Variants in DOCK1 observed in about 807,000 individuals in gnomAD.
DOCK1 encodes the protein dedicator of cytokinesis 1.
A neutral mutation model predicts 262.7 loss-of-function variants in DOCK1; 138 were observed. The observed-to-expected ratio is 0.53, with a 90% CI of 0.46 to 0.61. DOCK1 has a LOEUF of 0.61. Ranked by LOEUF, DOCK1 falls within the 20% of genes least tolerant of loss-of-function variation. The pLI is 0.00. For synonymous variants in DOCK1, 866 were observed against 867.4 expected, an observed-to-expected ratio of 1.00 and a Z score of 0.03; for missense variants, 1,908 against 2,370.7, an observed-to-expected ratio of 0.80 and a Z score of 4.05.
chr10:127,240,451 A>G (rs1379882577), intron 27 of DOCK1, among the ~76,000 whole-genome samples: 2 of 152,160 alleles, frequency 1.3e-5, no homozygotes, highest in Admixed American at 6.5e-5. Context: ...TATATGGGAA[A>G]GGTTTTATGA....
rs1223263750 is a variant in DOCK1, at chr10:127,176,332, C to T, written c.2847+48568C>T. The T allele has an allele frequency of 9.9e-6, 16 of 1,613,738 alleles. No homozygotes were observed. The Admixed American group carries it at 1.7e-4, about 17-fold the overall frequency. On this transcript the variant is annotated intron_variant, in intron 27 of 51. Transcript: ENST00000623213. The surrounding 1 kb of genome is among the most constrained non-coding windows in gnomAD (Gnocchi z 4.4). ...TATTTCATCTCCAGGGCCAGGCAGG[C>T]GGCGGGTTCCACTTCACTCTCCGAC...
chr10:126,932,435 A>G (rs889589535), intron 1 of DOCK1, among the ~76,000 whole-genome samples: 2 of 152,180 alleles, frequency 1.3e-5, no homozygotes, highest in African/African-American at 4.8e-5. Context: ...ACTAAACCCA[A>G]TCAACAGGCT....
intron 35 of DOCK1, among the ~76,000 whole-genome samples, chr10:127,376,229 A>G (rs1029603903): frequency 6.6e-6 from 1 of 152,250 alleles, no homozygotes; most frequent in African/African-American, 2.4e-5. Context: ...GTAGAAACTC[A>G]CAGAAATCAT....
intron 13 of DOCK1, 32 bp from the exon 14 acceptor site, chr10:127,023,168 G>A (rs1197190664): frequency 1.2e-6 from 2 of 1,610,428 alleles, no homozygotes; most frequent in Admixed American, 3.4e-5. Flanking sequence ...ATAATGGATT[G>A]TTTTTTAAAT....
intron 28 of DOCK1, among the ~76,000 whole-genome samples, chr10:127,256,508 C>T (rs1485581722): frequency 6.6e-6 from 1 of 152,088 alleles, no homozygotes; most frequent in Non-Finnish European, 1.5e-5. Flanking sequence ...CTTGGGGCTA[C>T]CAGGGATGTG....
chr10:126,978,052 A>C (rs41282852), intron 3 of DOCK1, 64 bp downstream of exon 3: 1 of 1,471,064 alleles, frequency 6.8e-7, no homozygotes, highest in East Asian at 2.3e-5. Context: ...GAGGAAATCA[A>C]TTCCATCTCA....
At chr10:127,307,734 C>T (rs998079048) in intron 29 of DOCK1, among the ~76,000 whole-genome samples, 1 of 152,246 alleles carries the variant, frequency 6.6e-6, no homozygotes, top group Non-Finnish European at 1.5e-5. Context: ...GTTCAGCGCA[C>T]ATCCTGGTGT....
chr10:127,006,884 G>C (rs1021692152), intron 10 of DOCK1, among the ~76,000 whole-genome samples: 2 of 151,274 alleles, frequency 1.3e-5, no homozygotes, highest in African/African-American at 4.8e-5. Context: ...GGGTGGGCCT[G>C]CTCGGGTCAG....
chr10:127,210,484 C>G lies in DOCK1; in HGVS notation c.2848-37524C>G, dbSNP rs2057928021. Among the ~76,000 whole-genome samples, 3 of 152,354 alleles carry G rather than the reference C, an allele frequency of 2.0e-5. No individual in the cohort carries two copies. In the South Asian group the frequency reaches 6.2e-4, roughly 32 times the overall value. ...GCTTCCTGTGATTACGGTGGAATAACTCTCAGGCTGAGCCCGGGAAACCAG... is the reference window on the plus strand; with the variant it reads ...GCTTCCTGTGATTACGGTGGAATAAGTCTCAGGCTGAGCCCGGGAAACCAG... On this transcript the variant is annotated intron_variant, in intron 27 of 51. Transcript: ENST00000623213.
intron 40 of DOCK1, among the ~76,000 whole-genome samples, chr10:127,406,353 G>T (rs541320440): frequency 6.6e-6 from 1 of 152,328 alleles, no homozygotes; most frequent in South Asian, 2.1e-4. Context: ...GCAGGCTCCA[G>T]GGGCGGTGCT....
chr10:127,407,919 G>T (rs2134362900), intron 40 of DOCK1, among the ~76,000 whole-genome samples: 1 of 152,190 alleles, frequency 6.6e-6, no homozygotes. Context: ...TTTCGGTTGA[G>T]ACAGCCCCAG....
intron 27 of DOCK1, among the ~76,000 whole-genome samples, chr10:127,179,062 G>A (rs941442437): frequency 4.6e-5 from 7 of 152,164 alleles, no homozygotes; most frequent in Non-Finnish European, 1.0e-4. Context: ...GAAAGAGAGA[G>A]CATTTTTACA....
intron 43 of DOCK1, among the ~76,000 whole-genome samples, 197 bp from the exon 44 acceptor site, chr10:127,414,955 C>T (rs2068073539): frequency 6.6e-6 from 1 of 152,170 alleles, no homozygotes; most frequent in Non-Finnish European, 1.5e-5. Flanking sequence ...TTGATGTATC[C>T]TGAGCGACCG....
intron 46 of DOCK1, among the ~76,000 whole-genome samples, 156 bp downstream of exon 46, chr10:127,419,905 G>A (rs1318927860): frequency 2.6e-5 from 4 of 152,332 alleles, no homozygotes; most frequent in East Asian, 1.9e-4. Flanking sequence ...CACTGCTGTC[G>A]TGATCAACTC....
chr10:127,018,987 C>A, intron 13 of DOCK1, 152 bp downstream of exon 13: 2 of 1,194,278 alleles, frequency 1.7e-6, no homozygotes, highest in South Asian at 1.6e-5. Context: ...GGTTATGGAT[C>A]ATGGGGCTGT....
rs751055456 is a variant in DOCK1 at position 127,012,254 on chromosome 10, C to G, written c.1081C>G (p.Arg361Gly). ...FQPLALDDAIRHKPLNMSSRF... is the reference protein window; with the variant it reads ...FQPLALDDAIGHKPLNMSSRF... ...CAGGCTCGCGTTGGACGACGCCATT[C>G]GACACAAGCCGCTGAACATGTCATC... The change falls in exon 12 of 52, where the codon CGA becomes GGA. Residue 361 changes from arginine (R) to glycine (G), a missense_variant. Arg to Gly is a moderately radical substitution (Grantham distance 125). Around this residue, in one of 9 missense-constraint regions of DOCK1, gnomAD observed 57 missense variants for 39.7 expected, o/e 1.44. Transcript: ENST00000623213. The surrounding 1 kb of genome is among the most constrained non-coding windows in gnomAD (Gnocchi z 4.0). 6.2e-7 allele frequency: 1 copy of G among 1,608,080 alleles called. No individual in the cohort carries two copies. The highest frequency in any genetic ancestry group is 8.5e-7 in the Non-Finnish European group (1 of 1,174,620).
intron 23 of DOCK1, among the ~76,000 whole-genome samples, chr10:127,076,862 TC>T (rs2046591350): frequency 6.6e-6 from 1 of 152,106 alleles, no homozygotes; most frequent in South Asian, 2.1e-4. Context: ...CCCCTGCTTG[TC>T]CCTGGGGTGC....
intron 33 of DOCK1, among the ~76,000 whole-genome samples, chr10:127,367,779 G>A (rs928424630): frequency 7.9e-5 from 12 of 152,212 alleles, no homozygotes; most frequent in Non-Finnish European, 1.5e-4. Flanking sequence ...GCTGCATGAC[G>A]CTCTTGCAAT....
At chr10:126,915,374 A>T (rs557715336) in intron 1 of DOCK1, among the ~76,000 whole-genome samples, 1 of 149,710 alleles carries the variant, frequency 6.7e-6, no homozygotes, top group South Asian at 2.1e-4. Context: ...TCTTCAGGGT[A>T]TACCAAGCCC....
Sources: allele counts gnomAD v4.1 joint callset (sites outside exome capture counted in the v4.1 genomes callset), GRCh38; gene constraint gnomAD v4.1.1; regional missense constraint gnomAD v4.1.1; non-coding constraint Gnocchi (gnomAD v3.1); transcripts MANE v1.5; gene names NCBI Gene and HGNC (gene_info 2026-07-23, HGNC 2026-07-21).